PCF11: variants seen among roughly 807,000 people sequenced by gnomAD.
The protein encoded by PCF11 is PCF11 cleavage and polyadenylation factor subunit, also known as pre-mRNA cleavage complex 2 protein Pcf11.
In PCF11, 19 loss-of-function variants were observed where a neutral mutation model predicts 166.1. That is an observed-to-expected ratio of 0.11 (90% CI 0.08 to 0.17). PCF11 has a LOEUF of 0.17. Ranked by LOEUF, PCF11 falls within the 10% of genes least tolerant of loss-of-function variation. The pLI is 1.00. For synonymous variants in PCF11, 663 were observed against 644.1 expected (o/e 1.03, Z -0.44); for missense variants, 1,565 against 1,855.5 (o/e 0.84, Z 2.88).
chr11:83,182,140 C>A, intron 13 of PCF11, 131 bp downstream of exon 13: 1 of 811,150 alleles, frequency 1.2e-6, no homozygotes, highest in Non-Finnish European at 1.8e-6. Context: ...AAGCTCTACT[C>A]TTCAATTTTA....
chr11:83,164,154 A>T (rs1056322885), intron 3 of PCF11, 53 bp from the exon 4 acceptor site: 2 of 1,288,282 alleles, frequency 1.6e-6, no homozygotes, highest in Admixed American at 4.8e-5. Context: ...TTTACTCCCT[A>T]GCTTCCGTTT....
At chr11:83,168,572 C>G (rs1860556645) in exon 8 of PCF11, 3 of 1,613,858 alleles carry the variant, frequency 1.9e-6, no homozygotes, top group Non-Finnish European at 2.5e-6. Context: ...ACAGCTTTAG[C>G]TGAAGACAGA....
intron 11 of PCF11, 40 bp from the exon 12 acceptor site, chr11:83,180,968 C>A: frequency 1.7e-6 from 2 of 1,179,074 alleles, no homozygotes. Context: ...GCCATTAAGC[C>A]ATATTATCAA....
chr11:83,180,565 A>G (rs139747281), intron 11 of PCF11: 2 of 152,684 alleles, frequency 1.3e-5, no homozygotes, highest in African/African-American at 2.4e-5. Flanking sequence ...TTAGTTATCC[A>G]TACTATTATT....
At chr11:83,179,501 C>T (rs975777384) in intron 11 of PCF11, among the ~76,000 whole-genome samples, 4 of 152,084 alleles carry the variant, frequency 2.6e-5, no homozygotes, top group Middle Eastern at 3.2e-3. Flanking sequence ...CTGCCCGCCT[C>T]GGCCTTCCAA....
At chr11:83,160,287 A>G (rs1014298841) in intron 1 of PCF11, among the ~76,000 whole-genome samples, 6 of 133,890 alleles carry the variant, frequency 4.5e-5, no homozygotes, top group Non-Finnish European at 9.4e-5. Context: ...TAAGATTCCT[A>G]TACACGTGGG....
At chr11:83,159,155 C>G (rs575061638) in intron 1 of PCF11, among the ~76,000 whole-genome samples, 6 of 152,008 alleles carry the variant, frequency 3.9e-5, no homozygotes, top group African/African-American at 7.2e-5. Context: ...AGCTAAGATA[C>G]AAGTTTTCGT....
intron 11 of PCF11, 112 bp from the exon 12 acceptor site, chr11:83,180,896 G>C: frequency 1.7e-6 from 1 of 574,050 alleles, no homozygotes; most frequent in Non-Finnish European, 3.1e-6. Context: ...GTTTCAGCCA[G>C]CTCTTGGTTT....
chr11:83,183,185 C>T (rs1274791943), intron 15 of PCF11, 112 bp downstream of exon 15: 2 of 617,990 alleles, frequency 3.2e-6, no homozygotes, highest in South Asian at 2.2e-5. Flanking sequence ...ATATATTGAA[C>T]TGTTTTTGTT....
At chr11:83,159,776 T>C (rs1266920746) in intron 1 of PCF11, among the ~76,000 whole-genome samples, 1 of 152,218 alleles carries the variant, frequency 6.6e-6, no homozygotes, top group African/African-American at 2.4e-5. Flanking sequence ...GTTTGTGTCC[T>C]TATTCTTTAG....
chr11:83,159,544 T>C (rs941914258), intron 1 of PCF11, among the ~76,000 whole-genome samples: 1 of 152,164 alleles, frequency 6.6e-6, no homozygotes, highest in Non-Finnish European at 1.5e-5. Context: ...TGTTTGTATA[T>C]CGCTACACAG....
At chr11:83,169,335 C>T (rs763387572) in exon 8 of PCF11, 1 of 1,611,434 alleles carries the variant, frequency 6.2e-7, no homozygotes, top group Non-Finnish European at 8.5e-7. Flanking sequence ...GCCCTTTAGT[C>T]CAACAAGGAG....
chr11:83,183,161 T>C, intron 15 of PCF11, 88 bp downstream of exon 15: 1 of 740,804 alleles, frequency 1.3e-6, no homozygotes. Context: ...AGCAATATTG[T>C]TATTTTAAAC....
intron 11 of PCF11, among the ~76,000 whole-genome samples, chr11:83,179,303 G>A (rs1861002024): frequency 6.6e-6 from 1 of 151,288 alleles, no homozygotes; most frequent in African/African-American, 2.4e-5. Flanking sequence ...AGGCTAGAGT[G>A]CAGTGGCCCT....
Position 83,171,910 on chromosome 11 carries a change from T to C in PCF11, c.3753T>C (p.Pro1251=). 4 of 1,471,910 alleles carry C rather than the reference T, an allele frequency of 2.7e-6. No individual in the cohort carries two copies. The African/African-American group carries it at 4.2e-5, about 15-fold the overall frequency. 91.2% of individuals were successfully genotyped at this position (1,471,910 alleles called of 1,614,324 possible). Reference sequence around the variant, plus strand: ...AAAATCCTGGATTTGTTCAGAATCCTTCAGGTATGTACTTTCTGAACTTTG... The same window carrying C: ...AAAATCCTGGATTTGTTCAGAATCCCTCAGGTATGTACTTTCTGAACTTTG... The change falls in exon 9 of 16, where the codon CCT becomes CCC. Residue 1251 remains proline (P), a synonymous_variant. Transcript: ENST00000298281.
At chr11:83,184,902 G>A (rs1565165327) in exon 16 of PCF11, 2 of 1,514,814 alleles carry the variant, frequency 1.3e-6, no homozygotes, top group Admixed American at 2.6e-5. Context: ...TAAATAAAAT[G>A]AGAAAGGTAT....
intron 9 of PCF11, among the ~76,000 whole-genome samples, chr11:83,176,335 G>A (rs1290880047): frequency 2.6e-5 from 4 of 152,010 alleles, no homozygotes; most frequent in Admixed American, 2.6e-4. Flanking sequence ...CCCATTACTG[G>A]GTATATACCC....
rs751787439 is a variant in PCF11 at position 83,167,398 on chromosome 11, TTATCACCCC to T, written c.2002-13_2002-5del. On this transcript the variant is annotated splice_region_variant and splice_polypyrimidine_tract_variant and intron_variant, in intron 6 of 15. Coordinates refer to ENST00000298281, the Ensembl canonical transcript of PCF11. The surrounding 1 kb of genome is among the most constrained non-coding windows in gnomAD (Gnocchi z 4.2). ...TATATTTAAAATATTTTATTTCCTT[TTATCACCCC>T]TATACAGACGAGTGAACGTTTAGCA... 1.3e-6 allele frequency: 2 copies of T among 1,547,122 alleles called. No homozygotes were observed. Among genetic ancestry groups the T allele is most frequent in the East Asian group, 4.5e-5 (2 of 44,036 alleles).
intron 2 of PCF11, 124 bp downstream of exon 2, chr11:83,161,576 G>A (rs748513032): frequency 1.6e-5 from 10 of 642,696 alleles, no homozygotes; most frequent in Admixed American, 3.8e-5. Flanking sequence ...GACATTTATC[G>A]TTAGTACCAT....
Sources: gnomAD v4.1 joint callset for allele counts (sites outside exome capture counted in the v4.1 genomes callset) on GRCh38, gnomAD v4.1.1 for gene constraint, Gnocchi (gnomAD v3.1) non-coding constraint, MANE v1.5 for transcripts, NCBI Gene and HGNC (gene_info 2026-07-23, HGNC 2026-07-21) for gene names.